GASK1B: variants seen among roughly 807,000 people sequenced by gnomAD.
GASK1B encodes the protein golgi associated kinase 1B, also known as Golgi-associated kinase 1B.
GASK1B carries 34 observed loss-of-function variants against 42.8 expected under a neutral mutation model. The ratio of observed to expected loss-of-function variants is 0.79; its 90% CI spans 0.60 to 1.06. GASK1B has a LOEUF of 1.06. Among genes scored for constraint, GASK1B ranks in the 50% least tolerant of loss-of-function variants. GASK1B has a pLI of 0.00. For synonymous variants in GASK1B, 262 were observed against 259.1 expected, an observed-to-expected ratio of 1.01 and a Z score of -0.11; for missense variants, 686 against 661.0, an observed-to-expected ratio of 1.04 and a Z score of -0.42.
intron 2 of GASK1B, among the ~76,000 whole-genome samples, chr4:158,165,948 T>A (rs537303433): frequency 9.2e-5 from 14 of 152,334 alleles, no homozygotes; most frequent in African/African-American, 3.4e-4. Context: ...TACATCACAC[T>A]AGATTCTTTG....
chr4:158,132,844 C>T (rs1333071145), intron 3 of GASK1B, among the ~76,000 whole-genome samples: 1 of 152,138 alleles, frequency 6.6e-6, no homozygotes, highest in Non-Finnish European at 1.5e-5. Flanking sequence ...CATAGTTCAT[C>T]CAAAAAGTCA....
At chr4:158,129,137 T>G (rs1290681318) in intron 4 of GASK1B, among the ~76,000 whole-genome samples, 2 of 152,212 alleles carry the variant, frequency 1.3e-5, no homozygotes, top group African/African-American at 4.8e-5. Flanking sequence ...GAATTATATT[T>G]TCAAAGAAGA....
intron 2 of GASK1B, chr4:158,159,444 G>A: frequency 2.5e-6 from 1 of 402,880 alleles, no homozygotes; most frequent in South Asian, 1.8e-5. Flanking sequence ...AGAATTAAAT[G>A]AACCTGGATG....
intron 3 of GASK1B, among the ~76,000 whole-genome samples, chr4:158,145,191 T>TA (rs1731283436): frequency 6.6e-6 from 1 of 152,214 alleles, no homozygotes; most frequent in African/African-American, 2.4e-5. Flanking sequence ...TTTTTATTCT[T>TA]ACTTTTATCA....
intron 3 of GASK1B, among the ~76,000 whole-genome samples, chr4:158,139,078 T>C (rs960984670): frequency 6.6e-6 from 1 of 152,182 alleles, no homozygotes; most frequent in African/African-American, 2.4e-5. Context: ...TTTTCCCATA[T>C]TACAATTGAA....
chr4:158,149,105 T>C (rs180938888), intron 3 of GASK1B, among the ~76,000 whole-genome samples: 1 of 152,316 alleles, frequency 6.6e-6, no homozygotes, highest in East Asian at 1.9e-4. Context: ...TGCTTTTCCC[T>C]ATCCTCTCTA....
intron 3 of GASK1B, among the ~76,000 whole-genome samples, chr4:158,146,627 A>G (rs902751199): frequency 6.6e-6 from 1 of 152,222 alleles, no homozygotes; most frequent in African/African-American, 2.4e-5. Context: ...TCTTCAGGTT[A>G]AATCAGTAGT....
At chr4:158,137,178 C>T (rs1187226917) in intron 3 of GASK1B, among the ~76,000 whole-genome samples, 2 of 152,054 alleles carry the variant, frequency 1.3e-5, no homozygotes, top group South Asian at 2.1e-4. Flanking sequence ...CCATGGATAA[C>T]GAATTCTCAT....
chr4:158,128,756 C>A (rs1302738038), intron 4 of GASK1B, among the ~76,000 whole-genome samples: 2 of 152,152 alleles, frequency 1.3e-5, no homozygotes, highest in Non-Finnish European at 2.9e-5. Flanking sequence ...GGCCACGGCG[C>A]CGGACTTGCT....
intron 3 of GASK1B, among the ~76,000 whole-genome samples, chr4:158,150,747 AAAACCAG>A (rs1731525927): frequency 1.3e-5 from 2 of 152,232 alleles, no homozygotes; most frequent in Admixed American, 1.3e-4. Context: ...TATAATGCTT[AAAACCAG>A]TTACAGCCCC....
chr4:158,153,396 G>A (rs1045574441), intron 3 of GASK1B, among the ~76,000 whole-genome samples: 3 of 152,146 alleles, frequency 2.0e-5, no homozygotes, highest in Non-Finnish European at 4.4e-5. Flanking sequence ...GTTTGGATGG[G>A]TAGACTTAAT....
At chr4:158,131,091 T>C (rs1421363675) in intron 3 of GASK1B, 79 bp from the exon 4 acceptor site, 5 of 1,240,918 alleles carry the variant, frequency 4.0e-6, no homozygotes, top group Non-Finnish European at 1.1e-6. Context: ...CAAAGATCAG[T>C]GCTTTCTGAA....
In GASK1B at chr4:158,127,402, T is replaced by C; in HGVS notation, c.*5A>G. 6.2e-7 allele frequency: 1 copy of C among 1,610,316 alleles called. No individual in the cohort carries two copies. Among genetic ancestry groups the C allele is most frequent in the Non-Finnish European group, 8.5e-7 (1 of 1,177,990 alleles). The stretch of plus-strand genomic sequence containing the variant: ...ATCTAACACCCTAGCCAGAAGATTC[T>C]TTTGTCATTCATTCATAGGTAATAC... On this transcript the variant is annotated 3_prime_UTR_variant, in exon 5 of 5. Transcript: ENST00000585682.
At chr4:158,150,086 C>T (rs1579030416) in intron 3 of GASK1B, among the ~76,000 whole-genome samples, 2 of 151,856 alleles carry the variant, frequency 1.3e-5, no homozygotes, top group Admixed American at 6.6e-5. Flanking sequence ...CCACCATGCC[C>T]GGCTAATTTT....
rs1353048965 is a variant in GASK1B, at chr4:158,172,605, A to T, written c.-225+263T>A. On this transcript the variant is annotated intron_variant, in intron 1 of 4. Coordinates refer to ENST00000585682, the MANE Select transcript of GASK1B (RefSeq NM_001128424.2). ...ATAAACTTTAATTTTAAATTCGGAA[A>T]AAAGAAATGCCGTAGAGAATCAGTT... 3 of 152,240 alleles carry T rather than the reference A, an allele frequency of 2.0e-5. No homozygotes were observed. In the South Asian group the frequency reaches 6.2e-4, roughly 32 times the overall value. The allele number at this position is 152,240 out of a possible 1,614,324, so 9.4% of individuals were successfully genotyped here.
intron 3 of GASK1B, 113 bp from the exon 4 acceptor site, chr4:158,131,125 AG>A (rs1730668259): frequency 3.6e-6 from 3 of 822,540 alleles, no homozygotes; most frequent in Non-Finnish European, 5.7e-6. Flanking sequence ...AGAATCTAAG[AG>A]GGCCAGGCTC....
intron 3 of GASK1B, among the ~76,000 whole-genome samples, chr4:158,138,654 G>T (rs1283456188): frequency 6.6e-6 from 1 of 151,512 alleles, no homozygotes; most frequent in South Asian, 2.1e-4. Flanking sequence ...CTATAATATA[G>T]ATTTTTAAAG....
chr4:158,145,599 T>C (rs1351125594), intron 3 of GASK1B, among the ~76,000 whole-genome samples: 1 of 152,210 alleles, frequency 6.6e-6, no homozygotes, highest in Non-Finnish European at 1.5e-5. Flanking sequence ...CATTTCTAGA[T>C]TACATGTCAC....
chr4:158,141,961 G>A (rs1340152032), intron 3 of GASK1B, among the ~76,000 whole-genome samples: 4 of 85,270 alleles, frequency 4.7e-5, no homozygotes, highest in Non-Finnish European at 6.8e-5. Flanking sequence ...TTTTTGAGAC[G>A]GAGTCTCGCT....
Sources: allele counts gnomAD v4.1 joint callset (sites outside exome capture counted in the v4.1 genomes callset), GRCh38; gene constraint gnomAD v4.1.1; transcripts MANE v1.5; gene names NCBI Gene and HGNC (gene_info 2026-07-23, HGNC 2026-07-21).